The following MARCHF4 variants were observed in gnomAD, a reference collection of about 807,000 sequenced individuals.
MARCHF4 encodes the protein E3 ubiquitin-protein ligase MARCHF4.
MARCHF4 carries 14 observed loss-of-function variants against 43.9 expected under a neutral mutation model. The observed-to-expected ratio is 0.32, with a 90% CI of 0.21 to 0.50. The LOEUF is 0.50. Ranked by LOEUF, MARCHF4 falls within the 20% of genes least tolerant of loss-of-function variation. The probability of loss-of-function intolerance (pLI) is 0.98; values close to 1 mark genes in which losing one functional copy is unlikely to be tolerated. For missense variants in MARCHF4, 468 were observed against 536.7 expected, an observed-to-expected ratio of 0.87 and a Z score of 1.27; for synonymous variants, 226 against 213.3, an observed-to-expected ratio of 1.06 and a Z score of -0.52.
intron 1 of MARCHF4, among the ~76,000 whole-genome samples, chr2:216,359,876 G>A (rs535170566): frequency 1.8e-3 from 268 of 152,242 alleles, no homozygotes; most frequent in Non-Finnish European, 3.0e-3. Flanking sequence ...ATTGAACTCT[G>A]CCAGCACTGA....
At chr2:216,336,570 GT>G (rs956460422) in intron 1 of MARCHF4, among the ~76,000 whole-genome samples, 3 of 151,912 alleles carry the variant, frequency 2.0e-5, no homozygotes, top group Admixed American at 2.0e-4. Context: ...TGTTCTGTCT[GT>G]CTTTGGCTTG....
intron 1 of MARCHF4, among the ~76,000 whole-genome samples, chr2:216,336,005 T>C (rs1337564369): frequency 9.6e-5 from 14 of 145,400 alleles, no homozygotes. Context: ...GAGGTGGAGG[T>C]TGCAGTGAGC....
chr2:216,305,940 C>T (rs1691579799), intron 1 of MARCHF4, among the ~76,000 whole-genome samples: 1 of 152,150 alleles, frequency 6.6e-6, no homozygotes, highest in Non-Finnish European at 1.5e-5. Context: ...TCTCTGTTCT[C>T]ACCAGGACAT....
chr2:216,303,146 C>T (rs548346675), intron 1 of MARCHF4, among the ~76,000 whole-genome samples: 3 of 152,276 alleles, frequency 2.0e-5, no homozygotes, highest in African/African-American at 7.2e-5. Context: ...ACAGTGTTCT[C>T]TCCAAAATGG....
intron 1 of MARCHF4, among the ~76,000 whole-genome samples, chr2:216,332,796 G>T (rs1313740066): frequency 6.6e-6 from 1 of 152,126 alleles, no homozygotes; most frequent in Non-Finnish European, 1.5e-5. Context: ...AATTCAGTGT[G>T]GTATTGAATT....
At chr2:216,276,241 A>G (rs1691019836) in intron 3 of MARCHF4, among the ~76,000 whole-genome samples, 1 of 152,208 alleles carries the variant, frequency 6.6e-6, no homozygotes, top group Non-Finnish European at 1.5e-5. Flanking sequence ...TCCATGCCAG[A>G]GCTGCTGTAA....
chr2:216,284,323 G>A (rs1691184508), intron 1 of MARCHF4, among the ~76,000 whole-genome samples: 1 of 152,152 alleles, frequency 6.6e-6, no homozygotes. Context: ...TGGAGGAGTT[G>A]GAATCAGAGA....
intron 1 of MARCHF4, among the ~76,000 whole-genome samples, chr2:216,331,840 T>G (rs938673066): frequency 6.6e-6 from 1 of 152,212 alleles, no homozygotes; most frequent in Admixed American, 6.5e-5. Context: ...TTTTAGAGTA[T>G]CCACAAAACT....
At chr2:216,287,831 C>A (rs1171934326) in intron 1 of MARCHF4, among the ~76,000 whole-genome samples, 1 of 151,664 alleles carries the variant, frequency 6.6e-6, no homozygotes, top group Non-Finnish European at 1.5e-5. Context: ...TTTTGGGAAA[C>A]AGCCGCTTTG....
chr2:216,290,541 T>C (rs1180155370), intron 1 of MARCHF4, among the ~76,000 whole-genome samples: 3 of 152,212 alleles, frequency 2.0e-5, no homozygotes, highest in Admixed American at 6.5e-5. Flanking sequence ...CAATCATGAG[T>C]GTTTTGAGCA....
intron 1 of MARCHF4, among the ~76,000 whole-genome samples, chr2:216,321,218 T>C (rs565449816): frequency 1.3e-5 from 2 of 152,242 alleles, no homozygotes; most frequent in South Asian, 4.1e-4. Flanking sequence ...ATCCATTCAT[T>C]CAGTCAAACA....
intron 1 of MARCHF4, among the ~76,000 whole-genome samples, chr2:216,317,585 T>C (rs1038188528): frequency 1.3e-5 from 2 of 152,136 alleles, no homozygotes; most frequent in Non-Finnish European, 2.9e-5. Flanking sequence ...GGCTAATTTT[T>C]GTATTTTTAG....
chr2:216,267,373 A>G (rs1690862878), intron 3 of MARCHF4, among the ~76,000 whole-genome samples: 1 of 152,156 alleles, frequency 6.6e-6, no homozygotes, highest in Non-Finnish European at 1.5e-5. Context: ...TTGAGAGAAA[A>G]CTTGTGCAAG....
intron 3 of MARCHF4, among the ~76,000 whole-genome samples, chr2:216,270,496 G>C (rs1443605588): frequency 6.6e-6 from 1 of 152,046 alleles, no homozygotes; most frequent in East Asian, 1.9e-4. Flanking sequence ...GACTACCTGT[G>C]TGCTATAAAA....
chr2:216,281,040 G>A (rs560275293), intron 2 of MARCHF4, among the ~76,000 whole-genome samples: 21 of 144,766 alleles, frequency 1.5e-4, no homozygotes, highest in Non-Finnish European at 2.9e-4. Context: ...ACAGGAAACA[G>A]TGTATTATTT....
intron 3 of MARCHF4, among the ~76,000 whole-genome samples, chr2:216,271,671 T>A (rs1690940912): frequency 6.6e-6 from 1 of 152,200 alleles, no homozygotes; most frequent in African/African-American, 2.4e-5. Flanking sequence ...CAGACCTCAG[T>A]CCCAGCTCTT....
At chr2:216,364,903 G>A (rs776906347) in intron 1 of MARCHF4, among the ~76,000 whole-genome samples, 6 of 152,190 alleles carry the variant, frequency 3.9e-5, no homozygotes, top group Non-Finnish European at 8.8e-5. Flanking sequence ...TTCAGGAAAG[G>A]AGGATAAAAT....
intron 1 of MARCHF4, among the ~76,000 whole-genome samples, chr2:216,308,048 C>T (rs1214858497): frequency 6.6e-6 from 1 of 151,868 alleles, no homozygotes; most frequent in African/African-American, 2.4e-5. Context: ...AAAGCGAGAC[C>T]CTATCTCAAG....
At chr2:216,295,661 G>A (rs1004131698) in intron 1 of MARCHF4, among the ~76,000 whole-genome samples, 1 of 152,188 alleles carries the variant, frequency 6.6e-6, no homozygotes, top group Admixed American at 6.5e-5. Context: ...TGGACAAGGG[G>A]TGCCTTCTGT....
Sources: gnomAD v4.1 joint callset for allele counts (sites outside exome capture counted in the v4.1 genomes callset) on GRCh38, gnomAD v4.1.1 for gene constraint, MANE v1.5 for transcripts, NCBI Gene and HGNC (gene_info 2026-07-23, HGNC 2026-07-21) for gene names.